VAMP7: variants seen among roughly 807,000 people sequenced by gnomAD.
VAMP7 encodes the protein vesicle-associated membrane protein 7.
VAMP7 carries 14 observed loss-of-function variants against 29.6 expected under a neutral mutation model. That is an observed-to-expected ratio of 0.47 (90% CI 0.31 to 0.74). VAMP7 has a LOEUF of 0.74. Ranked by LOEUF, VAMP7 falls within the 30% of genes least tolerant of loss-of-function variation. The probability of loss-of-function intolerance (pLI) is 0.05; values close to 1 mark genes in which losing one functional copy is unlikely to be tolerated. For missense variants in VAMP7, 223 were observed against 262.4 expected (o/e 0.85, Z 1.04); for synonymous variants, 95 against 88.1 (o/e 1.08, Z -0.44).
rs2066768428 is a variant in VAMP7, at chrX:155,942,928, C to T, written c.*977C>T. 1 of 151,784 alleles carries T rather than the reference C, an allele frequency of 6.6e-6. No homozygotes were observed. Among genetic ancestry groups the T allele is most frequent in the Non-Finnish European group, 1.5e-5 (1 of 67,962 alleles). 9.4% of individuals were successfully genotyped at this position (151,784 alleles called of 1,614,324 possible). A position where few individuals can be genotyped will look rare whatever the true frequency, so the allele number is the denominator to read the frequency against. ...TCAGCAGTCAACTCCAGGGTTTGGG[C>T]TTGATTCCTGTTGAATAATAGTTTT... On this transcript the variant is annotated 3_prime_UTR_variant, in exon 8 of 8. Coordinates refer to ENST00000286448, the MANE Select transcript of VAMP7 (RefSeq NM_005638.6).
chrX:155,903,377 CT>C (rs1175915690), intron 5 of VAMP7, among the ~76,000 whole-genome samples: 3 of 152,094 alleles, frequency 2.0e-5, no homozygotes, highest in Non-Finnish European at 4.4e-5. Flanking sequence ...AACTAAAGAG[CT>C]TCTGCACAGC....
chrX:155,939,672 G>A, intron 6 of VAMP7, 29 bp from the exon 7 acceptor site: 1 of 1,525,038 alleles, frequency 6.6e-7, no homozygotes, highest in Non-Finnish European at 9.1e-7. Context: ...TCAGTGCCAG[G>A]GGTTAAACAA....
At chrX:155,902,872 T>A (rs2066086873) in intron 5 of VAMP7, among the ~76,000 whole-genome samples, 1 of 151,574 alleles carries the variant, frequency 6.6e-6, no homozygotes, top group Non-Finnish European at 1.5e-5. Context: ...ATCAGGATGA[T>A]GCTGGCTTCA....
intron 6 of VAMP7, among the ~76,000 whole-genome samples, chrX:155,922,858 T>A (rs2066415167): frequency 6.6e-6 from 1 of 152,050 alleles, no homozygotes; most frequent in Admixed American, 6.6e-5. Context: ...TCTTGCTGTT[T>A]GTTTCCTATT....
intron 6 of VAMP7, among the ~76,000 whole-genome samples, chrX:155,935,730 T>G (rs1011033117): frequency 6.6e-6 from 1 of 152,208 alleles, no homozygotes; most frequent in Non-Finnish European, 1.5e-5. Flanking sequence ...CTACCTTTGT[T>G]CTGTTGCTGG....
intron 6 of VAMP7, among the ~76,000 whole-genome samples, chrX:155,922,122 T>TA (rs946743677): frequency 8.5e-5 from 13 of 152,182 alleles, no homozygotes; most frequent in African/African-American, 3.1e-4. Flanking sequence ...TATATGGAAA[T>TA]AAAGTTGGTT....
chrX:155,931,148 G>C (rs1189524093), intron 6 of VAMP7, among the ~76,000 whole-genome samples: 1 of 152,108 alleles, frequency 6.6e-6, no homozygotes, highest in African/African-American at 2.4e-5. Flanking sequence ...CTTTGCTATT[G>C]TGAATAGTGC....
At chrX:155,902,862 A>G (rs1351804539) in intron 5 of VAMP7, among the ~76,000 whole-genome samples, 1 of 151,288 alleles carries the variant, frequency 6.6e-6, no homozygotes, top group African/African-American at 2.4e-5. Flanking sequence ...CGGCTTTGGT[A>G]TCAGGATGAT....
chrX:155,925,946 G>A (rs1484829443), intron 6 of VAMP7, among the ~76,000 whole-genome samples: 7 of 152,122 alleles, frequency 4.6e-5, no homozygotes, highest in Admixed American at 4.6e-4. Flanking sequence ...TGAGTGACTA[G>A]GTTCATTGTC....
At chrX:155,884,169 C>G (rs758114391) in intron 1 of VAMP7, among the ~76,000 whole-genome samples, 2 of 151,882 alleles carry the variant, frequency 1.3e-5, no homozygotes, top group East Asian at 3.9e-4. Flanking sequence ...CTCTTGTTAC[C>G]CAGGCTGGAG....
In VAMP7 at chrX:155,939,784, C is replaced by G; in HGVS notation, c.585C>G (p.Ile195Met). The change falls in exon 7 of 8, where the codon ATC becomes ATG. Residue 195 changes from isoleucine (I) to methionine (M), a missense_variant. Physicochemically the swap from Ile to Met is conservative, Grantham distance 10 (BLOSUM62 1). Transcript: ENST00000286448. ...KNLKLTIIII[I>M]VSIVFIYIIV... ...TCAAGCTCACTATTATCATCATCAT[C>G]GTATCAATTGTAAGTTTTTGTCCTT... 6.2e-7 allele frequency: 1 copy of G among 1,612,882 alleles called. No individual in the cohort carries two copies. The highest frequency in any genetic ancestry group is 8.5e-7 in the Non-Finnish European group (1 of 1,178,950).
chrX:155,939,704 G>A lies in VAMP7; in HGVS notation c.505G>A (p.Val169Ile), dbSNP rs147995235. Residue 169 changes from valine (V) to isoleucine (I), a missense_variant, in exon 7 of 8, where the codon GTC becomes ATC. Val to Ile is a conservative substitution (Grantham distance 29). Coordinates refer to ENST00000286448, the MANE Select transcript of VAMP7 (RefSeq NM_005638.6). Reference sequence around the variant, plus strand: ...ACAATTCTCGCCTCTTTTCTAGTCTGTCACCTTCAAAACTACCAGCAGAAA... The same window carrying A: ...ACAATTCTCGCCTCTTTTCTAGTCTATCACCTTCAAAACTACCAGCAGAAA... Reference protein sequence around the residue: ...DKTENLVDSSVTFKTTSRNLA... With the variant: ...DKTENLVDSSITFKTTSRNLA... 6.8e-6 allele frequency: 11 copies of A among 1,613,442 alleles called. No individual in the cohort carries two copies. The African/African-American group carries it at 9.3e-5, about 14-fold the overall frequency.
chrX:155,889,650 G>C (rs368978885), intron 2 of VAMP7, 38 bp downstream of exon 2: 2 of 1,609,182 alleles, frequency 1.2e-6, no homozygotes, highest in Non-Finnish European at 1.7e-6. Context: ...GATGAAAGAA[G>C]GGAATTCTGT....
chrX:155,923,420 C>G (rs2066422667), intron 6 of VAMP7, among the ~76,000 whole-genome samples: 1 of 150,816 alleles, frequency 6.6e-6, no homozygotes, highest in African/African-American at 2.4e-5. Context: ...GTTTTTATTT[C>G]ACTTCCTTTT....
chrX:155,897,170 G>A (rs1340995324), intron 3 of VAMP7, among the ~76,000 whole-genome samples: 13 of 151,964 alleles, frequency 8.6e-5, no homozygotes, highest in Non-Finnish European at 1.6e-4. Context: ...ATACTACCCC[G>A]ATTATGAATA....
At chrX:155,898,372 T>A in intron 4 of VAMP7, 123 bp downstream of exon 4, 3 of 1,287,272 alleles carry the variant, frequency 2.3e-6, no homozygotes, top group Non-Finnish European at 3.1e-6. Context: ...TAAGCCAACA[T>A]AATAAAACTT....
At chrX:155,936,471 G>A (rs1209637893) in intron 6 of VAMP7, among the ~76,000 whole-genome samples, 1 of 152,218 alleles carries the variant, frequency 6.6e-6, no homozygotes, top group East Asian at 1.9e-4. Flanking sequence ...AATGAGTGAG[G>A]CTCCGTGGGT....
chrX:155,938,580 G>A (rs2066697343), intron 6 of VAMP7, among the ~76,000 whole-genome samples: 1 of 152,192 alleles, frequency 6.6e-6, no homozygotes, highest in Non-Finnish European at 1.5e-5. Context: ...TACCCCAGAA[G>A]CTCCCTTCTC....
intron 5 of VAMP7, among the ~76,000 whole-genome samples, chrX:155,907,750 G>A (rs1259041646): frequency 7.9e-5 from 12 of 151,896 alleles, no homozygotes; most frequent in Non-Finnish European, 1.3e-4. Context: ...CCACAAAACC[G>A]CCATTGTCAT....
Sources: gnomAD v4.1 joint callset for allele counts (sites outside exome capture counted in the v4.1 genomes callset) on GRCh38, gnomAD v4.1.1 for gene constraint, MANE v1.5 for transcripts, NCBI Gene and HGNC (gene_info 2026-07-23, HGNC 2026-07-21) for gene names.